Variants in SPATA16 observed in about 807,000 individuals in gnomAD.
SPATA16 encodes the protein spermatogenesis-associated protein 16.
Under a neutral mutation model 63.3 loss-of-function variants are expected in SPATA16, and 36 were observed. The observed-to-expected ratio is 0.57, with a 90% CI of 0.44 to 0.75. The LOEUF is 0.75. SPATA16 is among the 30% of genes least tolerant of loss of function. The pLI, the probability that SPATA16 is intolerant of heterozygous loss-of-function variation, is 0.00. For missense variants in SPATA16, 646 were observed against 679.3 expected, an observed-to-expected ratio of 0.95 and a Z score of 0.54; for synonymous variants, 203 against 216.7, an observed-to-expected ratio of 0.94 and a Z score of 0.56.
At chr3:173,068,825 A>G (rs938885664) in intron 2 of SPATA16, among the ~76,000 whole-genome samples, 2 of 151,532 alleles carry the variant, frequency 1.3e-5, no homozygotes, top group Non-Finnish European at 2.9e-5. Context: ...GTAAAAAAAA[A>G]AAAGGCCGGG....
At chr3:172,898,909 A>AT (rs985079566) in intron 10 of SPATA16, among the ~76,000 whole-genome samples, 1 of 151,076 alleles carries the variant, frequency 6.6e-6, no homozygotes, top group Admixed American at 6.6e-5. Context: ...ATATATTTTC[A>AT]TTTTTTTTAG....
At position 172,986,936 on chromosome 3, in the gene SPATA16, CT is replaced by C. The variant is rs533826594; in HGVS notation, c.849-9885del. Among the ~76,000 whole-genome samples the C allele has an allele frequency of 2.6e-5, 4 of 152,216 alleles. No individual in the cohort carries two copies. The East Asian group carries it at 7.7e-4, about 29-fold the overall frequency. On this transcript the variant is annotated intron_variant, in intron 4 of 10. Transcript: ENST00000351008. ...AGGAAATTGAGATAATGACACCATT[CT>C]TAAGGACAAAGTCAACTAACAAGGA...
chr3:173,072,887 G>T (rs529588355), intron 2 of SPATA16, among the ~76,000 whole-genome samples: 89 of 152,210 alleles, frequency 5.8e-4, no homozygotes, highest in Non-Finnish European at 1.1e-3. Context: ...AGAAAATTTG[G>T]AACTTCCTAG....
chr3:172,931,367 A>G (rs950638716), intron 6 of SPATA16, among the ~76,000 whole-genome samples: 2 of 152,194 alleles, frequency 1.3e-5, no homozygotes, highest in African/African-American at 4.8e-5. Context: ...CAGACTCCAG[A>G]GAAGTTGAGA....
At chr3:172,980,486 A>G (rs184967478) in intron 4 of SPATA16, among the ~76,000 whole-genome samples, 4 of 152,308 alleles carry the variant, frequency 2.6e-5, no homozygotes, top group East Asian at 3.9e-4. Context: ...CAATGGAGCT[A>G]TAAGATCATG....
intron 7 of SPATA16, 32 bp from the exon 8 acceptor site, chr3:172,924,349 T>C: frequency 6.6e-7 from 1 of 1,516,312 alleles, no homozygotes; most frequent in Non-Finnish European, 9.1e-7. Context: ...TTTTATACTA[T>C]TTTCTCCAGA....
chr3:173,082,127 C>G (rs897800842), intron 2 of SPATA16, among the ~76,000 whole-genome samples: 2 of 152,094 alleles, frequency 1.3e-5, no homozygotes, highest in Non-Finnish European at 2.9e-5. Flanking sequence ...TTTTAGGTGT[C>G]CCCATAGCAC....
At chr3:172,934,715 G>C (rs978815217) in intron 6 of SPATA16, among the ~76,000 whole-genome samples, 2 of 152,054 alleles carry the variant, frequency 1.3e-5, no homozygotes, top group Non-Finnish European at 1.5e-5. Context: ...AATCTTATCA[G>C]AAATTTCCTG....
intron 10 of SPATA16, among the ~76,000 whole-genome samples, chr3:172,910,896 C>T (rs1732357763): frequency 6.6e-6 from 1 of 152,048 alleles, no homozygotes; most frequent in African/African-American, 2.4e-5. Flanking sequence ...GGATGTCTTG[C>T]CAGCACCCTA....
At chr3:172,965,844 G>A (rs1400906297) in intron 5 of SPATA16, among the ~76,000 whole-genome samples, 1 of 152,072 alleles carries the variant, frequency 6.6e-6, no homozygotes, top group African/African-American at 2.4e-5. Context: ...CCAAAGTGTT[G>A]GGATTACAGG....
At chr3:173,083,733 T>C (rs927845532) in intron 2 of SPATA16, among the ~76,000 whole-genome samples, 2 of 152,208 alleles carry the variant, frequency 1.3e-5, no homozygotes, top group Non-Finnish European at 2.9e-5. Flanking sequence ...AGTGAAAACA[T>C]GTGGTGTTTG....
Position 173,086,790 on chromosome 3 carries a change from ATTT to A in SPATA16, c.612+30327_612+30329del, listed in dbSNP as rs879723011. On this transcript the variant is annotated intron_variant, in intron 2 of 10. Coordinates refer to ENST00000351008, the MANE Select transcript of SPATA16 (RefSeq NM_031955.6). ...TCTTAATTTCTGCCTTAATTTCATT[ATTT>A]AAGAAGTCATTCAGGAGCAGGTTGT... Among the ~76,000 whole-genome samples, 12 of 152,132 alleles carry A rather than the reference ATTT, an allele frequency of 7.9e-5. 1 individual carries two copies. The highest frequency in any genetic ancestry group is 1.3e-4 in the Non-Finnish European group (9 of 67,998).
chr3:172,968,018 A>T (rs1473957620), intron 5 of SPATA16, among the ~76,000 whole-genome samples: 2 of 152,216 alleles, frequency 1.3e-5, no homozygotes, highest in Non-Finnish European at 2.9e-5. Flanking sequence ...GTCTTTCACA[A>T]AACCGGTCCC....
At chr3:173,140,323 A>G (rs1738675135) in intron 1 of SPATA16, among the ~76,000 whole-genome samples, 1 of 152,212 alleles carries the variant, frequency 6.6e-6, no homozygotes, top group Non-Finnish European at 1.5e-5. Flanking sequence ...AAAAACAGAG[A>G]ACTTTACTGA....
chr3:172,905,664 G>A (rs545763785), intron 10 of SPATA16, among the ~76,000 whole-genome samples: 10 of 138,444 alleles, frequency 7.2e-5, no homozygotes, highest in Non-Finnish European at 1.4e-4. Context: ...TGCCATTTCC[G>A]TAGGATCACA....
chr3:172,988,244 A>G (rs571371463), intron 4 of SPATA16, among the ~76,000 whole-genome samples: 14 of 152,310 alleles, frequency 9.2e-5, no homozygotes, highest in Admixed American at 7.8e-4. Context: ...GTTTACTGAA[A>G]TGATACACAT....
chr3:172,945,532 A>T (rs1435760461), intron 6 of SPATA16, among the ~76,000 whole-genome samples: 1 of 152,164 alleles, frequency 6.6e-6, no homozygotes, highest in Non-Finnish European at 1.5e-5. Flanking sequence ...TGCTGATGTC[A>T]CCCCTTCCCC....
intron 3 of SPATA16, among the ~76,000 whole-genome samples, chr3:173,021,300 C>G (rs1212941886): frequency 1.3e-5 from 2 of 152,158 alleles, no homozygotes; most frequent in African/African-American, 4.8e-5. Context: ...CCATGTCTAG[C>G]CACAGAGCAT....
chr3:173,062,249 A>C (rs1252930330), intron 2 of SPATA16, among the ~76,000 whole-genome samples: 1 of 152,206 alleles, frequency 6.6e-6, no homozygotes, highest in African/African-American at 2.4e-5. Context: ...AGCAGATTGG[A>C]AATATGACAG....
Sources: gnomAD v4.1 joint callset for allele counts (sites outside exome capture counted in the v4.1 genomes callset) on GRCh38, gnomAD v4.1.1 for gene constraint, MANE v1.5 for transcripts, NCBI Gene and HGNC (gene_info 2026-07-23, HGNC 2026-07-21) for gene names.